Variants in SPATA6 observed in about 807,000 individuals in gnomAD.
The protein encoded by SPATA6 is spermatogenesis associated 6, also known as spermatogenesis-associated protein 6.
Under a neutral mutation model 65.3 loss-of-function variants are expected in SPATA6, and 56 were observed. The ratio of observed to expected loss-of-function variants is 0.86; its 90% CI spans 0.69 to 1.07. SPATA6 has a LOEUF of 1.07. Among genes scored for constraint, SPATA6 ranks in the 50% least tolerant of loss-of-function variants. The probability of loss-of-function intolerance (pLI) is 0.00; values close to 1 mark genes in which losing one functional copy is unlikely to be tolerated. For synonymous variants in SPATA6, 199 were observed against 213.2 expected, an observed-to-expected ratio of 0.93 and a Z score of 0.58; for missense variants, 590 against 594.8, an observed-to-expected ratio of 0.99 and a Z score of 0.08.
intron 9 of SPATA6, among the ~76,000 whole-genome samples, chr1:48,380,903 A>C (rs1356409433): frequency 2.0e-5 from 3 of 152,204 alleles, no homozygotes; most frequent in African/African-American, 7.2e-5. Flanking sequence ...CCTTTTCAGT[A>C]CCAGGAACCA....
chr1:48,459,417 A>G (rs1264325894), intron 1 of SPATA6, among the ~76,000 whole-genome samples: 1 of 152,124 alleles, frequency 6.6e-6, no homozygotes, highest in African/African-American at 2.4e-5. Context: ...ATATTGATTA[A>G]AAGTTTGATT....
In SPATA6 at chr1:48,472,063, G is replaced by C; in HGVS notation, c.-55C>G. On this transcript the variant is annotated 5_prime_UTR_variant, in exon 1 of 13. Coordinates refer to ENST00000371847, the MANE Select transcript of SPATA6 (RefSeq NM_019073.4). ...CCCGGCCACGGGCCCGAGTGAGGCG[G>C]GGAGACCTGGGGCTGGGCGGGGACG... The C allele has an allele frequency of 7.3e-7, 1 of 1,366,898 alleles. No homozygotes were observed. The highest frequency in any genetic ancestry group is 9.7e-7 in the Non-Finnish European group (1 of 1,033,012). The allele number at this position is 1,366,898 out of a possible 1,614,324, so 84.7% of individuals were successfully genotyped here.
chr1:48,373,804 CACTT>C (rs978053284), intron 9 of SPATA6, among the ~76,000 whole-genome samples: 2 of 152,186 alleles, frequency 1.3e-5, no homozygotes, highest in South Asian at 2.1e-4. Flanking sequence ...GATCTCTTGA[CACTT>C]ACTTACTATT....
chr1:48,403,312 G>A (rs375823912), intron 6 of SPATA6, among the ~76,000 whole-genome samples: 2 of 152,248 alleles, frequency 1.3e-5, no homozygotes, highest in South Asian at 4.1e-4. Flanking sequence ...GTACCAGTAT[G>A]GCCACCAAAC....
chr1:48,314,828 A>C (rs1197338586), intron 11 of SPATA6, among the ~76,000 whole-genome samples: 1 of 152,062 alleles, frequency 6.6e-6, no homozygotes, highest in Non-Finnish European at 1.5e-5. Context: ...GAGAAGAATC[A>C]AATAAACGCA....
chr1:48,319,386 T>C (rs1313761905), intron 11 of SPATA6, among the ~76,000 whole-genome samples: 1 of 152,144 alleles, frequency 6.6e-6, no homozygotes, highest in African/African-American at 2.4e-5. Context: ...GTACTCAGAA[T>C]ATATAAAGAG....
chr1:48,278,739 C>A, the SPATA6 span, among the ~76,000 whole-genome samples: 1 of 152,150 alleles, frequency 6.6e-6, no homozygotes, highest in Non-Finnish European at 1.5e-5. Context: ...GAGAATGGAA[C>A]CAAGTTGGAA....
chr1:48,457,327 G>A (rs1357868236), intron 1 of SPATA6, among the ~76,000 whole-genome samples: 1 of 152,010 alleles, frequency 6.6e-6, no homozygotes, highest in African/African-American at 2.4e-5. Context: ...AGCTACTCAA[G>A]AGGCTGAGGC....
At chr1:48,404,163 T>A (rs1651454368) in intron 5 of SPATA6, among the ~76,000 whole-genome samples, 1 of 152,162 alleles carries the variant, frequency 6.6e-6, no homozygotes, top group Non-Finnish European at 1.5e-5. Context: ...TTGTTTTAAA[T>A]TTTTAAATTA....
intron 9 of SPATA6, among the ~76,000 whole-genome samples, chr1:48,364,864 G>A (rs957280435): frequency 1.1e-4 from 16 of 152,170 alleles, no homozygotes; most frequent in Admixed American, 9.8e-4. Flanking sequence ...TAGACATGAA[G>A]TCCTTGCCCA....
chr1:48,361,750 GGT>G (rs1351017864), intron 9 of SPATA6, among the ~76,000 whole-genome samples: 3 of 152,074 alleles, frequency 2.0e-5, no homozygotes, highest in African/African-American at 4.8e-5. Flanking sequence ...AGGATGTCTA[GGT>G]GTATACATTA....
At chr1:48,313,404 A>C (rs1645289617) in intron 11 of SPATA6, among the ~76,000 whole-genome samples, 1 of 152,140 alleles carries the variant, frequency 6.6e-6, no homozygotes, top group South Asian at 2.1e-4. Flanking sequence ...ATTCTTAAAG[A>C]AAAGAATTTT....
intron 9 of SPATA6, among the ~76,000 whole-genome samples, chr1:48,375,743 G>C (rs1647815689): frequency 6.6e-6 from 1 of 152,020 alleles, no homozygotes; most frequent in African/African-American, 2.4e-5. Flanking sequence ...CCCCTTCCAA[G>C]TTATATTCAA....
chr1:48,418,237 C>A (rs1011818911), intron 3 of SPATA6, among the ~76,000 whole-genome samples: 1 of 152,012 alleles, frequency 6.6e-6, no homozygotes, highest in African/African-American at 2.4e-5. Context: ...CATCATGCTT[C>A]TTCTAATCTC....
At chr1:48,468,336 C>G (rs1315341121) in intron 1 of SPATA6, among the ~76,000 whole-genome samples, 1 of 152,182 alleles carries the variant, frequency 6.6e-6, no homozygotes, top group African/African-American at 2.4e-5. Context: ...TCAGCATGTT[C>G]TTGAGATTCA....
chr1:48,269,294 A>C, the SPATA6 span, among the ~76,000 whole-genome samples: 1 of 152,164 alleles, frequency 6.6e-6, no homozygotes. Flanking sequence ...CATGCATTGT[A>C]CTAGGTACTC....
intron 3 of SPATA6, among the ~76,000 whole-genome samples, chr1:48,435,801 G>T (rs1455593162): frequency 6.6e-6 from 1 of 152,184 alleles, no homozygotes; most frequent in African/African-American, 2.4e-5. Flanking sequence ...CCGCGAGCAG[G>T]GCTCTGGCGC....
At chr1:48,264,456 G>T in the SPATA6 span, among the ~76,000 whole-genome samples, 3 of 152,180 alleles carry the variant, frequency 2.0e-5, no homozygotes, top group South Asian at 6.2e-4. Context: ...TACCATGGTG[G>T]GTTGCTGCAC....
intron 11 of SPATA6, among the ~76,000 whole-genome samples, chr1:48,332,950 T>A (rs1163034879): frequency 1.3e-5 from 2 of 152,104 alleles, no homozygotes. Context: ...TACATGGAAA[T>A]TAAACAACCT....
Sources: allele counts gnomAD v4.1 joint callset (sites outside exome capture counted in the v4.1 genomes callset), GRCh38; gene constraint gnomAD v4.1.1; transcripts MANE v1.5; gene names NCBI Gene and HGNC (gene_info 2026-07-23, HGNC 2026-07-21).